The following RELL1 variants were observed in gnomAD, a reference collection of about 807,000 sequenced individuals.
RELL1 encodes the protein RELT-like protein 1.
Under a neutral mutation model 23.0 loss-of-function variants are expected in RELL1, and 10 were observed. The observed-to-expected ratio is 0.43, with a 90% CI of 0.27 to 0.74. The LOEUF (loss-of-function observed/expected upper bound fraction) is 0.74, where lower values mean the gene tolerates loss of function less well. RELL1 is among the 30% of genes least tolerant of loss of function. The pLI, the probability that RELL1 is intolerant of heterozygous loss-of-function variation, is 0.19. For synonymous variants in RELL1, 146 were observed against 146.8 expected (o/e 0.99, Z 0.04); for missense variants, 315 against 364.4 (o/e 0.86, Z 1.10).
At chr4:37,643,015 T>C (rs1246319873) in intron 3 of RELL1, among the ~76,000 whole-genome samples, 2 of 152,240 alleles carry the variant, frequency 1.3e-5, no homozygotes, top group Non-Finnish European at 2.9e-5. Flanking sequence ...AGTGTTTCCC[T>C]GAGTCCTGTA....
intron 5 of RELL1, among the ~76,000 whole-genome samples, chr4:37,634,010 G>A (rs181380524): frequency 4.3e-4 from 65 of 152,364 alleles, no homozygotes; most frequent in East Asian, 7.7e-4. Flanking sequence ...CAGCATGTGT[G>A]TTCCTTACCA....
chr4:37,685,977 G>C (rs1480419188), intron 1 of RELL1, among the ~76,000 whole-genome samples: 1 of 152,102 alleles, frequency 6.6e-6, no homozygotes, highest in Admixed American at 6.5e-5. Context: ...CCCCAGGGAG[G>C]GAAGGCGGGA....
At chr4:37,591,130 C>T in exon 7 of RELL1, 1 of 723,838 alleles carries the variant, frequency 1.4e-6, no homozygotes, top group Non-Finnish European at 2.3e-6. Context: ...TTACATCCAG[C>T]ATCTGTTCTG....
intron 3 of RELL1, among the ~76,000 whole-genome samples, chr4:37,641,340 T>A (rs1057281788): frequency 1.3e-5 from 2 of 152,190 alleles, no homozygotes; most frequent in Non-Finnish European, 2.9e-5. Flanking sequence ...CAGTAATCTG[T>A]CTATTGGGAA....
At chr4:37,626,834 G>A (rs1411982654) in intron 6 of RELL1, among the ~76,000 whole-genome samples, 4 of 141,314 alleles carry the variant, frequency 2.8e-5, no homozygotes, top group African/African-American at 1.0e-4. Flanking sequence ...TCTAAAAAAA[G>A]TTGAACTCAT....
At chr4:37,626,548 G>C (rs11096893) in intron 6 of RELL1, among the ~76,000 whole-genome samples, 8,351 of 152,220 alleles carry the variant, frequency 0.055, 295 homozygotes, top group Non-Finnish European at 0.078. Context: ...TACATATCCA[G>C]AGGTACTGAA....
chr4:37,653,355 TATTGAA>T (rs1444555115), intron 1 of RELL1, among the ~76,000 whole-genome samples: 5 of 51,532 alleles, frequency 9.7e-5, no homozygotes, highest in East Asian at 4.1e-3. Flanking sequence ...TCAATACAAG[TATTGAA>T]ACCTCAATAT....
At chr4:37,592,903 G>T (rs994458742) in intron 6 of RELL1, among the ~76,000 whole-genome samples, 2 of 152,314 alleles carry the variant, frequency 1.3e-5, no homozygotes, top group African/African-American at 4.8e-5. Flanking sequence ...CTAAAACTGG[G>T]AAGTATGTAT....
intron 1 of RELL1, among the ~76,000 whole-genome samples, chr4:37,675,546 C>T (rs765430675): frequency 3.0e-4 from 45 of 152,324 alleles, no homozygotes; most frequent in Admixed American, 7.8e-4. Flanking sequence ...CCTCAAGAAG[C>T]TCTAGTTAGA....
chr4:37,612,636 C>CAAAAAAAAAAAAA lies in RELL1; in HGVS notation c.*697_*709dup, dbSNP rs978165271. Among the ~76,000 whole-genome samples, 62 of 60,162 alleles carry CAAAAAAAAAAAAA rather than the reference C, an allele frequency of 1.0e-3. No homozygotes were observed. The highest frequency in any genetic ancestry group is 3.4e-3 in the African/African-American group (61 of 18,002). 39.5% of individuals were successfully genotyped at this position (60,162 alleles called of 152,430 possible). ...TAGGGGACACAGCGAGACTCTGCCTCAAAAAAAAAAAAAAAAAAACCTTCT... is the reference window on the plus strand; with the variant it reads ...TAGGGGACACAGCGAGACTCTGCCTCAAAAAAAAAAAAAAAAAAAAAAAAAAAAAAAACCTTCT... On this transcript the variant is annotated 3_prime_UTR_variant, in exon 7 of 7. Transcript: ENST00000454158.
At chr4:37,665,959 G>A (rs1721516635) in intron 1 of RELL1, among the ~76,000 whole-genome samples, 1 of 152,138 alleles carries the variant, frequency 6.6e-6, no homozygotes, top group Non-Finnish European at 1.5e-5. Context: ...GGGAAGCAAG[G>A]GCGTCAGAAA....
At chr4:37,685,790 G>A (rs1489684100) in intron 1 of RELL1, among the ~76,000 whole-genome samples, 2 of 151,100 alleles carry the variant, frequency 1.3e-5, no homozygotes, top group African/African-American at 2.5e-5. Flanking sequence ...CGCCGACAGC[G>A]CACCCGGTGC....
intron 6 of RELL1, among the ~76,000 whole-genome samples, chr4:37,624,806 T>C (rs961253486): frequency 3.3e-5 from 5 of 152,184 alleles, no homozygotes; most frequent in South Asian, 2.1e-4. Flanking sequence ...ACAAATACTA[T>C]CTATTTCTGA....
intron 3 of RELL1, among the ~76,000 whole-genome samples, chr4:37,645,181 G>T (rs910629451): frequency 6.6e-6 from 1 of 152,142 alleles, no homozygotes; most frequent in African/African-American, 2.4e-5. Flanking sequence ...CCCATTTCAT[G>T]CATCATCACA....
At chr4:37,621,954 G>A (rs1719783200) in intron 6 of RELL1, among the ~76,000 whole-genome samples, 1 of 152,230 alleles carries the variant, frequency 6.6e-6, no homozygotes, top group African/African-American at 2.4e-5. Context: ...CATCATAGTT[G>A]ATGACAGTAA....
At chr4:37,600,442 C>A (rs763344420) in intron 6 of RELL1, among the ~76,000 whole-genome samples, 1 of 152,070 alleles carries the variant, frequency 6.6e-6, no homozygotes, top group Non-Finnish European at 1.5e-5. Flanking sequence ...TGGGTAAGTT[C>A]TGTTCTACCT....
chr4:37,588,591 C>T, downstream of RELL1: 1 of 417,452 alleles, frequency 2.4e-6, no homozygotes, highest in Admixed American at 3.6e-5. Context: ...GGATGAAACA[C>T]ATAACCCCAG....
rs1560323123 is a variant in RELL1, at chr4:37,603,818, G to GT, written c.*4-12602dup. Among the ~76,000 whole-genome samples, 29 of 151,608 alleles carry GT rather than the reference G, an allele frequency of 1.9e-4. 1 individual carries two copies. Among genetic ancestry groups the GT allele is most frequent in the African/African-American group, 6.8e-4 (28 of 41,164 alleles). On this transcript the variant is annotated intron_variant, in intron 6 of 6. Transcript: ENST00000314117. ...GTGCTGGTTGCTTTTTTTTGTTGTT[G>GT]TTGTTTGTTTGTTTGTTTGAGACAG...
intron 4 of RELL1, among the ~76,000 whole-genome samples, chr4:37,637,341 G>A (rs1720367508): frequency 6.6e-6 from 1 of 152,236 alleles, no homozygotes; most frequent in South Asian, 2.1e-4. Context: ...AAGGTGTGCT[G>A]AGTGCACAAC....
Sources: allele counts gnomAD v4.1 joint callset (sites outside exome capture counted in the v4.1 genomes callset), GRCh38; gene constraint gnomAD v4.1.1; transcripts MANE v1.5; gene names NCBI Gene and HGNC (gene_info 2026-07-23, HGNC 2026-07-21).